The following FOXN3 variants were observed in gnomAD, a reference collection of about 807,000 sequenced individuals.
The protein encoded by FOXN3 is forkhead box protein N3.
In FOXN3, 7 loss-of-function variants were observed where a neutral mutation model predicts 38.4. That is an observed-to-expected ratio of 0.18 (90% confidence interval 0.10 to 0.34). The LOEUF is 0.34. FOXN3 is among the 10% of genes least tolerant of loss of function. The pLI is 1.00. For synonymous variants in FOXN3, 230 were observed against 242.2 expected (o/e 0.95, Z 0.47); for missense variants, 456 against 613.4 (o/e 0.74, Z 2.71).
chr14:89,311,943 G>A (rs1430368543), intron 3 of FOXN3, among the ~76,000 whole-genome samples: 4 of 152,046 alleles, frequency 2.6e-5, no homozygotes, highest in African/African-American at 9.7e-5. Context: ...TCAAATCCAT[G>A]GGGGAGATTA....
At chr14:89,292,919 T>C (rs907762206) in intron 3 of FOXN3, among the ~76,000 whole-genome samples, 3 of 152,164 alleles carry the variant, frequency 2.0e-5, no homozygotes, top group Non-Finnish European at 4.4e-5. Flanking sequence ...CTTTTGACAA[T>C]ACTCTTAAAA....
chr14:89,304,797 G>A (rs1887323668), intron 3 of FOXN3, among the ~76,000 whole-genome samples: 1 of 152,052 alleles, frequency 6.6e-6, no homozygotes. Context: ...CACAGAGCTG[G>A]GAGTTAAGTG....
chr14:89,313,370 C>T (rs1887622279), intron 3 of FOXN3, among the ~76,000 whole-genome samples: 1 of 152,082 alleles, frequency 6.6e-6, no homozygotes, highest in Non-Finnish European at 1.5e-5. Context: ...ACCAGCCTGG[C>T]CAACATGGTG....
At chr14:89,201,990 G>A (rs953622942) in intron 4 of FOXN3, among the ~76,000 whole-genome samples, 31 of 152,180 alleles carry the variant, frequency 2.0e-4, no homozygotes, top group Admixed American at 2.0e-3. Flanking sequence ...TCTTCAACTG[G>A]GTCAATGTGC....
chr14:89,505,886 C>T (rs1401127807), intron 1 of FOXN3, among the ~76,000 whole-genome samples: 6 of 150,230 alleles, frequency 4.0e-5, no homozygotes, highest in African/African-American at 1.2e-4. Flanking sequence ...TCTGCCCTGC[C>T]GCCCCGTCTG....
At chr14:89,356,599 T>C (rs932002023) in intron 2 of FOXN3, 1 of 152,158 alleles carries the variant, frequency 6.6e-6, no homozygotes, top group African/African-American at 2.4e-5. Flanking sequence ...TGTGTGTTGG[T>C]GATCTTGAAA....
intron 1 of FOXN3, among the ~76,000 whole-genome samples, chr14:89,507,097 GCGAGAAACAC>G (rs1275037251): frequency 6.9e-6 from 1 of 144,706 alleles, no homozygotes; most frequent in African/African-American, 2.6e-5. Flanking sequence ...ATCCCCCTCT[GCGAGAAACAC>G]CCAAGAATGA....
chr14:89,265,440 CTG>C (rs1349089591), intron 4 of FOXN3, among the ~76,000 whole-genome samples: 1 of 152,100 alleles, frequency 6.6e-6, no homozygotes. Flanking sequence ...TGGAAAAGGT[CTG>C]AGAATCACTG....
intron 4 of FOXN3, among the ~76,000 whole-genome samples, chr14:89,210,748 A>G (rs999015336): frequency 1.7e-4 from 26 of 152,320 alleles, no homozygotes; most frequent in African/African-American, 5.8e-4. Flanking sequence ...CAGTAATGGA[A>G]AGGGTTAAAA....
At chr14:89,192,509 CTA>C (rs1229567167) in intron 4 of FOXN3, among the ~76,000 whole-genome samples, 7 of 138,274 alleles carry the variant, frequency 5.1e-5, no homozygotes, top group Non-Finnish European at 9.1e-5. Flanking sequence ...ATTTTATAAA[CTA>C]TATATTAGTT....
rs1566917574 is a variant in FOXN3 at position 89,161,602 on chromosome 14, C to CGT, written c.*810_*811dup. On this transcript the variant is annotated 3_prime_UTR_variant, in exon 6 of 6. Coordinates refer to ENST00000557258, the MANE Select transcript of FOXN3 (RefSeq NM_005197.4). ...GTGTGTGTGTGTGTGTGTGTGCGTG[C>CGT]GTGCACAGGGCCAATCTTCAGGCTT... 1.2e-5 allele frequency: 1 copy of CGT among 86,274 alleles called. No individual in the cohort carries two copies. The highest frequency in any genetic ancestry group is 4.1e-5 in the African/African-American group (1 of 24,650). The allele number at this position is 86,274 out of a possible 1,614,324, so 5.3% of individuals were successfully genotyped here.
At chr14:89,190,996 A>T (rs756679455) in intron 4 of FOXN3, among the ~76,000 whole-genome samples, 2 of 152,150 alleles carry the variant, frequency 1.3e-5, no homozygotes, top group Non-Finnish European at 2.9e-5. Context: ...AAAAAAAAGC[A>T]CTTAAAATAT....
intron 4 of FOXN3, among the ~76,000 whole-genome samples, chr14:89,243,215 T>TA (rs906452770): frequency 4.6e-5 from 7 of 152,084 alleles, no homozygotes; most frequent in African/African-American, 1.2e-4. Context: ...TAAATTTTTT[T>TA]AAAAAAAGCA....
intron 4 of FOXN3, among the ~76,000 whole-genome samples, chr14:89,213,136 A>G (rs1241933457): frequency 1.3e-5 from 2 of 152,180 alleles, no homozygotes; most frequent in African/African-American, 4.8e-5. Flanking sequence ...GCAGATGGAT[A>G]GAATGTGACC....
chr14:89,345,444 C>CAT (rs1392091911), intron 3 of FOXN3, among the ~76,000 whole-genome samples: 7 of 151,634 alleles, frequency 4.6e-5, no homozygotes, highest in African/African-American at 1.7e-4. Flanking sequence ...ATGTTAACAC[C>CAT]ATATATTACT....
rs1479956862 is a variant in FOXN3 at position 89,324,258 on chromosome 14, G to C, written c.680+26414C>G. On this transcript the variant is annotated intron_variant, in intron 3 of 5. Transcript: ENST00000557258. ...TTTCTGTAACTATTGTTTTTGATGGGTTAAATTAGCACCATTACGGAATAG... is the reference window on the plus strand; with the variant it reads ...TTTCTGTAACTATTGTTTTTGATGGCTTAAATTAGCACCATTACGGAATAG... Among the ~76,000 whole-genome samples, 6 of 152,180 alleles carry C rather than the reference G, an allele frequency of 3.9e-5. No individual in the cohort carries two copies. The East Asian group carries it at 1.2e-3, about 29-fold the overall frequency.
rs1375380620 is a variant in FOXN3 at position 89,360,763 on chromosome 14, C to CCAG, written c.544-9956_544-9955insCTG. Among the ~76,000 whole-genome samples, 140 of 91,946 alleles carry CCAG rather than the reference C, an allele frequency of 1.5e-3. 5 individuals carry two copies. The highest frequency in any genetic ancestry group is 2.0e-3 in the Non-Finnish European group (95 of 47,880). The allele number at this position is 91,946 out of a possible 152,430, so 60.3% of individuals were successfully genotyped here. A position where few individuals can be genotyped will look rare whatever the true frequency, so the allele number is the denominator to read the frequency against. ...AGCACCACCTCCACCACCACCTCCA[C>CCAG]CACTACCACCTCCACCACCACCTCC... On this transcript the variant is annotated intron_variant, in intron 2 of 5. Transcript: ENST00000557258.
At chr14:89,594,038 G>A (rs962367287) in intron 1 of FOXN3, among the ~76,000 whole-genome samples, 3 of 152,202 alleles carry the variant, frequency 2.0e-5, no homozygotes, top group African/African-American at 7.2e-5. Context: ...TGTTTTTATC[G>A]GTATGTCACT....
rs544663403 is a variant in FOXN3, at chr14:89,156,592, A to G, written c.*5822T>C. 6.6e-6 allele frequency: 1 copy of G among 152,332 alleles called. No individual in the cohort carries two copies. The highest frequency in any genetic ancestry group is 1.5e-5 in the Non-Finnish European group (1 of 68,006). The allele number at this position is 152,332 out of a possible 1,614,324, so 9.4% of individuals were successfully genotyped here. A position where few individuals can be genotyped will look rare whatever the true frequency, so the allele number is the denominator to read the frequency against. On this transcript the variant is annotated 3_prime_UTR_variant, in exon 6 of 6. Coordinates refer to ENST00000557258, the MANE Select transcript of FOXN3 (RefSeq NM_005197.4). The stretch of plus-strand genomic sequence containing the variant: ...TGGCCAGCCAAGGTCAGACGACCCT[A>G]AGCATCAATAGTAAACCTCTTGGTC...
Sources: gnomAD v4.1 joint callset for allele counts (sites outside exome capture counted in the v4.1 genomes callset) on GRCh38, gnomAD v4.1.1 for gene constraint, MANE v1.5 for transcripts, NCBI Gene and HGNC (gene_info 2026-07-23, HGNC 2026-07-21) for gene names.